The following TLE4 variants were observed in gnomAD, a reference collection of about 807,000 sequenced individuals.
TLE4 encodes TLE family member 4, transcriptional corepressor, also known as transducin-like enhancer protein 4.
Under a neutral mutation model 92.8 loss-of-function variants are expected in TLE4, and 8 were observed. The observed-to-expected ratio is 0.09, with a 90% CI of 0.05 to 0.16. The LOEUF (loss-of-function observed/expected upper bound fraction) is 0.16, where lower values mean the gene tolerates loss of function less well. Among genes scored for constraint, TLE4 ranks in the 10% least tolerant of loss-of-function variants. The probability of loss-of-function intolerance (pLI) is 1.00; values close to 1 mark genes in which losing one functional copy is unlikely to be tolerated. For synonymous variants in TLE4, 371 were observed against 374.1 expected, an observed-to-expected ratio of 0.99 and a Z score of 0.10; for missense variants, 675 against 997.6, an observed-to-expected ratio of 0.68 and a Z score of 4.36.
chr9:79,656,647 T>G (rs1438873655), intron 8 of TLE4, among the ~76,000 whole-genome samples: 1 of 152,226 alleles, frequency 6.6e-6, no homozygotes, highest in African/African-American at 2.4e-5. Flanking sequence ...GGCAATCTTA[T>G]ACAGCCCCAG....
chr9:79,696,758 G>GCTTA (rs1414966468), intron 8 of TLE4, among the ~76,000 whole-genome samples: 1 of 152,166 alleles, frequency 6.6e-6, no homozygotes, highest in Non-Finnish European at 1.5e-5. Context: ...AAGTCCTAAA[G>GCTTA]CTTAGTAACT....
intron 5 of TLE4, among the ~76,000 whole-genome samples, chr9:79,613,501 A>G (rs2048830000): frequency 6.6e-6 from 1 of 152,132 alleles, no homozygotes; most frequent in Admixed American, 6.5e-5. Context: ...CTGGAAAAAG[A>G]TAATTTTTTG....
chr9:79,575,878 A>G (rs2037597645), intron 3 of TLE4: 1 of 318,342 alleles, frequency 3.1e-6, no homozygotes, highest in Non-Finnish European at 5.7e-6. Flanking sequence ...TGGGATGTAT[A>G]AAGAAACTGG....
At position 79,639,847 on chromosome 9, in the gene TLE4, C is replaced by T. The variant is rs191853856; in HGVS notation, c.390+12399C>T. On this transcript the variant is annotated intron_variant, in intron 6 of 19. Coordinates refer to ENST00000376552, the MANE Select transcript of TLE4 (RefSeq NM_007005.6). Reference sequence around the variant, plus strand: ...AATAAAATTGCCTAAAGACTCATTTCTCAGAATATCCCTATAGTTAAGTGG... The same window carrying T: ...AATAAAATTGCCTAAAGACTCATTTTTCAGAATATCCCTATAGTTAAGTGG... Among the ~76,000 whole-genome samples, 402 of 152,210 alleles carry T rather than the reference C, an allele frequency of 2.6e-3. 1 individual carries two copies. Among genetic ancestry groups the T allele is most frequent in the Non-Finnish European group, 4.3e-3 (295 of 67,986 alleles).
intron 14 of TLE4, among the ~76,000 whole-genome samples, chr9:79,714,519 A>G (rs960184435): frequency 1.3e-5 from 2 of 152,168 alleles, no homozygotes; most frequent in African/African-American, 4.8e-5. Flanking sequence ...TGCTATCTGG[A>G]ATATTTTTTC....
At chr9:79,582,410 G>A (rs1420895587) in intron 4 of TLE4, among the ~76,000 whole-genome samples, 2 of 152,202 alleles carry the variant, frequency 1.3e-5, no homozygotes, top group East Asian at 3.9e-4. Flanking sequence ...ATGATGGACC[G>A]GACTAATGAG....
At chr9:79,641,937 G>A (rs1159774905) in intron 6 of TLE4, among the ~76,000 whole-genome samples, 2 of 151,800 alleles carry the variant, frequency 1.3e-5, no homozygotes, top group Admixed American at 6.6e-5. Context: ...CTATTTAGTG[G>A]GCATAGTGGA....
At chr9:79,605,972 T>C (rs2132798068) in intron 4 of TLE4, among the ~76,000 whole-genome samples, 1 of 152,134 alleles carries the variant, frequency 6.6e-6, no homozygotes, top group Middle Eastern at 3.4e-3. Context: ...AGAGATTCAA[T>C]ATTGACACTT....
chr9:79,628,919 A>T (rs896359358), intron 6 of TLE4, among the ~76,000 whole-genome samples: 1 of 149,050 alleles, frequency 6.7e-6, no homozygotes, highest in East Asian at 2.0e-4. Context: ...TATATGTATA[A>T]ACCAGCTGTG....
intron 9 of TLE4, among the ~76,000 whole-genome samples, 166 bp from the exon 10 acceptor site, chr9:79,705,723 A>G (rs1237602697): frequency 6.6e-6 from 1 of 152,212 alleles, no homozygotes; most frequent in South Asian, 2.1e-4. Context: ...ACCCACCTCC[A>G]TAGCATCATC....
chr9:79,647,445 G>T (rs1265893586), intron 6 of TLE4, among the ~76,000 whole-genome samples: 1 of 152,060 alleles, frequency 6.6e-6, no homozygotes, highest in Non-Finnish European at 1.5e-5. Context: ...TCATATGAGG[G>T]CACCAAGTTC....
At chr9:79,699,938 G>A (rs1004998142) in intron 8 of TLE4, among the ~76,000 whole-genome samples, 1 of 152,116 alleles carries the variant, frequency 6.6e-6, no homozygotes, top group African/African-American at 2.4e-5. Flanking sequence ...TATCTATGCT[G>A]GGGGAAGTCC....
chr9:79,628,599 A>C (rs1427683367), intron 6 of TLE4, among the ~76,000 whole-genome samples: 2 of 151,914 alleles, frequency 1.3e-5, no homozygotes, highest in Non-Finnish European at 2.9e-5. Context: ...AACCAAAAAA[A>C]CAAAAAAAAC....
At chr9:79,688,460 A>G (rs1030632759) in intron 8 of TLE4, among the ~76,000 whole-genome samples, 1 of 152,096 alleles carries the variant, frequency 6.6e-6, no homozygotes, top group Non-Finnish European at 1.5e-5. Context: ...TGTTGCTGTC[A>G]GTGCAGTTGG....
At chr9:79,577,185 G>C (rs2131905153) in intron 4 of TLE4, among the ~76,000 whole-genome samples, 1 of 152,186 alleles carries the variant, frequency 6.6e-6, no homozygotes, top group East Asian at 1.9e-4. Context: ...TACTTTCTAA[G>C]TTGAGAAAAT....
intron 4 of TLE4, among the ~76,000 whole-genome samples, chr9:79,604,860 G>A (rs1044327540): frequency 6.6e-6 from 1 of 152,146 alleles, no homozygotes; most frequent in Admixed American, 6.6e-5. Context: ...GAAAAATCAA[G>A]ATGAATAATC....
chr9:79,603,328 A>C (rs901531958), intron 4 of TLE4, among the ~76,000 whole-genome samples: 3 of 152,118 alleles, frequency 2.0e-5, no homozygotes, highest in African/African-American at 7.2e-5. Flanking sequence ...AGTGCTAACA[A>C]GCTTAATTAT....
intron 6 of TLE4, among the ~76,000 whole-genome samples, chr9:79,640,344 A>G (rs1445994694): frequency 6.6e-6 from 1 of 152,204 alleles, no homozygotes; most frequent in Non-Finnish European, 1.5e-5. Flanking sequence ...AAATGCTAAC[A>G]TGAATTCAAA....
At chr9:79,626,738 C>A (rs549248110) in intron 5 of TLE4, among the ~76,000 whole-genome samples, 1 of 152,176 alleles carries the variant, frequency 6.6e-6, no homozygotes, top group South Asian at 2.1e-4. Flanking sequence ...AAAAAATTAT[C>A]GTACACTTTT....
Sources: gnomAD v4.1 joint callset for allele counts (sites outside exome capture counted in the v4.1 genomes callset) on GRCh38, gnomAD v4.1.1 for gene constraint, MANE v1.5 for transcripts, NCBI Gene and HGNC (gene_info 2026-07-23, HGNC 2026-07-21) for gene names.